Variants in PDS5B observed in about 807,000 individuals in gnomAD.
PDS5B encodes the protein sister chromatid cohesion protein PDS5 homolog B.
PDS5B carries 51 observed loss-of-function variants against 184.1 expected under a neutral mutation model. That is an observed-to-expected ratio of 0.28 (90% CI 0.22 to 0.35). PDS5B has a LOEUF of 0.35. Among genes scored for constraint, PDS5B ranks in the 10% least tolerant of loss-of-function variants. PDS5B has a pLI of 1.00. For synonymous variants in PDS5B, 566 were observed against 569.2 expected, an observed-to-expected ratio of 0.99 and a Z score of 0.08; for missense variants, 1,180 against 1,723.3, an observed-to-expected ratio of 0.68 and a Z score of 5.58.
intron 1 of PDS5B, among the ~76,000 whole-genome samples, chr13:32,587,462 A>C (rs1247595403): frequency 6.6e-6 from 1 of 152,234 alleles, no homozygotes; most frequent in South Asian, 2.1e-4. Context: ...ATGTTACTTT[A>C]AAAGTTTTCG....
At chr13:32,733,463 A>G (rs192834265) in intron 20 of PDS5B, among the ~76,000 whole-genome samples, 168 of 152,326 alleles carry the variant, frequency 1.1e-3, no homozygotes, top group Non-Finnish European at 1.4e-3. Context: ...TTTTGTTTAT[A>G]ATATGAACAA....
chr13:32,692,442 T>TTTTTTTTTG (rs1424672896), intron 13 of PDS5B, among the ~76,000 whole-genome samples: 1 of 136,888 alleles, frequency 7.3e-6, no homozygotes, highest in Non-Finnish European at 1.6e-5. Context: ...TTTTTTTTTT[T>TTTTTTTTTG]GAGATAGAGT....
intron 1 of PDS5B, among the ~76,000 whole-genome samples, chr13:32,626,316 A>G (rs577691160): frequency 2.4e-4 from 37 of 152,320 alleles, no homozygotes; most frequent in African/African-American, 8.7e-4. Flanking sequence ...CTCAACTACA[A>G]ACAGAACTTT....
chr13:32,746,123 C>A, intron 24 of PDS5B, 23 bp downstream of exon 24: 1 of 1,595,636 alleles, frequency 6.3e-7, no homozygotes, highest in Non-Finnish European at 8.6e-7. Flanking sequence ...CTGTGTACAA[C>A]TACTTTTTGA....
intron 1 of PDS5B, among the ~76,000 whole-genome samples, chr13:32,596,025 A>G (rs1198244792): frequency 2.0e-5 from 3 of 152,226 alleles, no homozygotes; most frequent in Non-Finnish European, 4.4e-5. Context: ...AAATTAATAC[A>G]ATATTAAGCT....
intron 14 of PDS5B, among the ~76,000 whole-genome samples, chr13:32,694,580 A>G (rs143178632): frequency 0.01 from 1,530 of 152,044 alleles, 31 homozygotes; most frequent in African/African-American, 0.034. Context: ...AGGTGTAACA[A>G]TAACTCAGCA....
chr13:32,765,006 A>C (rs561173828), intron 31 of PDS5B, among the ~76,000 whole-genome samples: 1 of 152,302 alleles, frequency 6.6e-6, no homozygotes, highest in South Asian at 2.1e-4. Context: ...GCCTTTTACT[A>C]AATAAGCTGC....
At chr13:32,743,115 T>C (rs1953617681) in intron 23 of PDS5B, among the ~76,000 whole-genome samples, 1 of 152,034 alleles carries the variant, frequency 6.6e-6, no homozygotes, top group Non-Finnish European at 1.5e-5. Flanking sequence ...ACTTTAAAGA[T>C]GTACCTGAAG....
chr13:32,661,237 A>T (rs1950633517), intron 6 of PDS5B, among the ~76,000 whole-genome samples: 1 of 151,924 alleles, frequency 6.6e-6, no homozygotes, highest in South Asian at 2.1e-4. Context: ...TACAAAAATT[A>T]GCCAGGCGTG....
chr13:32,705,321 A>G (rs1951979012), intron 17 of PDS5B, among the ~76,000 whole-genome samples: 1 of 152,208 alleles, frequency 6.6e-6, no homozygotes, highest in South Asian at 2.1e-4. Flanking sequence ...AAAATATGGA[A>G]AGGATTCAGA....
chr13:32,724,543 T>C (rs1952831430), intron 19 of PDS5B, among the ~76,000 whole-genome samples: 1 of 152,148 alleles, frequency 6.6e-6, no homozygotes, highest in South Asian at 2.1e-4. Flanking sequence ...TTTGCTAATT[T>C]TATCCCTTAG....
chr13:32,652,030 C>G (rs1456247978), intron 3 of PDS5B, 23 bp downstream of exon 3: 3 of 1,420,236 alleles, frequency 2.1e-6, no homozygotes, highest in Non-Finnish European at 3.0e-6. Context: ...TTAAATAACT[C>G]CAAGATTGAC....
At chr13:32,749,574 A>C (rs538748193) in intron 24 of PDS5B, among the ~76,000 whole-genome samples, 14 of 152,192 alleles carry the variant, frequency 9.2e-5, no homozygotes, top group Non-Finnish European at 1.8e-4. Context: ...TGTGCTGTAC[A>C]TTGTTCTAAG....
chr13:32,721,700 G>C (rs372669422), intron 19 of PDS5B, among the ~76,000 whole-genome samples: 1 of 151,032 alleles, frequency 6.6e-6, no homozygotes, highest in African/African-American at 2.4e-5. Context: ...AGGCAGAGAC[G>C]CTCCTCAATT....
At chr13:32,652,756 T>C (rs1476905218) in intron 3 of PDS5B, among the ~76,000 whole-genome samples, 5 of 111,506 alleles carry the variant, frequency 4.5e-5, no homozygotes, top group Non-Finnish European at 1.9e-5. Flanking sequence ...ACCATCTCTA[T>C]TAAAAAAAAA....
intron 33 of PDS5B, among the ~76,000 whole-genome samples, chr13:32,772,569 G>C (rs1320792420): frequency 1.3e-5 from 2 of 152,188 alleles, no homozygotes; most frequent in African/African-American, 4.8e-5. Context: ...GGGTTTGTTG[G>C]ATTGTAGTTG....
At chr13:32,760,795 C>A in intron 30 of PDS5B, 75 bp downstream of exon 30, 1 of 1,334,850 alleles carries the variant, frequency 7.5e-7, no homozygotes, top group Non-Finnish European at 1.0e-6. Context: ...TAATATAATC[C>A]AAAATGTTTC....
At chr13:32,752,550 C>T (rs1456007648) in intron 24 of PDS5B, among the ~76,000 whole-genome samples, 1 of 152,168 alleles carries the variant, frequency 6.6e-6, no homozygotes, top group Admixed American at 6.5e-5. Context: ...CATTTTAATA[C>T]TTTATACTAA....
At chr13:32,651,783 T>A (rs1302114916) in intron 2 of PDS5B, 21 bp from the exon 3 acceptor site, 1 of 1,475,044 alleles carries the variant, frequency 6.8e-7, no homozygotes, top group Non-Finnish European at 9.4e-7. Context: ...TTTCATTATT[T>A]GATTTTTTAT....
Sources: gnomAD v4.1 joint callset for allele counts (sites outside exome capture counted in the v4.1 genomes callset) on GRCh38, gnomAD v4.1.1 for gene constraint, MANE v1.5 for transcripts, NCBI Gene and HGNC (gene_info 2026-07-23, HGNC 2026-07-21) for gene names.